Variants in METTL2A observed in about 807,000 individuals in gnomAD.
METTL2A encodes methyltransferase 2A, tRNA N3-cytidine.
METTL2A carries 45 observed loss-of-function variants against 49.4 expected under a neutral mutation model. That is an observed-to-expected ratio of 0.91 (90% CI 0.72 to 1.17). METTL2A has a LOEUF of 1.17. Among genes scored for constraint, METTL2A ranks in the 50% most tolerant of loss-of-function variants. The pLI is 0.00. For missense variants in METTL2A, 361 were observed against 462.2 expected (o/e 0.78, Z 2.01); for synonymous variants, 118 against 167.5 (o/e 0.70, Z 2.28).
rs145574301 is a variant in METTL2A at position 62,446,256 on chromosome 17, C to T, written c.916+1313C>T. On this transcript the variant is annotated intron_variant, in intron 7 of 8. Transcript: ENST00000311506. ...GCAACCTCTGCCTCCTGGGTCCACC[C>T]GCCTTGGCCTCCCAAAATGCTGGGA... Among the ~76,000 whole-genome samples, 896 of 152,200 alleles carry T rather than the reference C, an allele frequency of 5.9e-3. 7 individuals carry two copies. Among genetic ancestry groups the T allele is most frequent in the African/African-American group, 0.02 (850 of 41,532 alleles).
chr17:62,424,104 G>C, intron 1 of METTL2A, 92 bp downstream of exon 1: 2 of 1,581,284 alleles, frequency 1.3e-6, no homozygotes, highest in South Asian at 2.3e-5. Context: ...CCGGCCACGA[G>C]TCAAGCTGCC....
chr17:62,435,494 T>C (rs2070694765), intron 5 of METTL2A, among the ~76,000 whole-genome samples: 1 of 152,218 alleles, frequency 6.6e-6, no homozygotes, highest in Admixed American at 6.5e-5. Flanking sequence ...TCTGTTCATA[T>C]ATTGAAAGTT....
chr17:62,431,498 C>T (rs1259277251), intron 4 of METTL2A, among the ~76,000 whole-genome samples: 13 of 152,132 alleles, frequency 8.5e-5, no homozygotes, highest in East Asian at 5.8e-4. Context: ...GGACAACAGG[C>T]GTGTGCCACC....
chr17:62,438,973 AT>A (rs1167283450), intron 5 of METTL2A, among the ~76,000 whole-genome samples: 182 of 93,548 alleles, frequency 1.9e-3, no homozygotes, highest in African/African-American at 5.2e-3. Context: ...CACTTGGCTA[AT>A]TTTTTTTTTT....
At chr17:62,441,662 G>A (rs1295056880) in intron 6 of METTL2A, among the ~76,000 whole-genome samples, 1 of 151,238 alleles carries the variant, frequency 6.6e-6, no homozygotes, top group Non-Finnish European at 1.5e-5. Context: ...GGCCAGGCTG[G>A]TCTTAAACTC....
intron 7 of METTL2A, among the ~76,000 whole-genome samples, chr17:62,445,953 T>G (rs903230552): frequency 3.3e-5 from 5 of 152,146 alleles, no homozygotes; most frequent in Non-Finnish European, 5.9e-5. Flanking sequence ...TTCAAGGAGC[T>G]CTCATGAAAC....
Position 62,436,089 on chromosome 17 carries a change from G to A in METTL2A, c.669+797G>A, listed in dbSNP as rs188988502. Among the ~76,000 whole-genome samples the A allele has an allele frequency of 7.0e-3, 1,057 of 151,826 alleles. 3 individuals carry two copies. Among genetic ancestry groups the A allele is most frequent in the South Asian group, 0.018 (86 of 4,806 alleles). ...TACTAAAAATACAAAAAAATTAGCC[G>A]GGCTAAAAATACAAAAAATGGCGCA... On this transcript the variant is annotated intron_variant, in intron 5 of 8. Transcript: ENST00000311506.
At chr17:62,432,835 C>T (rs567705017) in intron 4 of METTL2A, among the ~76,000 whole-genome samples, 1 of 151,628 alleles carries the variant, frequency 6.6e-6, no homozygotes, top group Non-Finnish European at 1.5e-5. Context: ...TGCTGGCATG[C>T]ACCTGTAGTC....
rs2070733826 is a variant in METTL2A at position 62,440,697 on chromosome 17, C to T, written c.750C>T (p.Pro250=). 6.2e-7 allele frequency: 1 copy of T among 1,613,984 alleles called. No homozygotes were observed. The highest frequency in any genetic ancestry group is 8.5e-7 in the Non-Finnish European group (1 of 1,180,010). The stretch of plus-strand genomic sequence containing the variant: ...ATGAAGAGAAGAGTTACCCAGTGCC[C>T]AAGGGCAGTCTTGATATTATCATTC... ...LCDEEKSYPV[P]KGSLDIIILI... is the part of the protein sequence containing the mutation. Residue 250 remains proline (P), a synonymous_variant, in exon 6 of 9, where the codon CCC becomes CCT. Coordinates refer to ENST00000311506, the MANE Select transcript of METTL2A (RefSeq NM_181725.4).
chr17:62,447,645 T>C (rs1452482473), intron 7 of METTL2A, 56 bp from the exon 8 acceptor site: 2 of 1,597,820 alleles, frequency 1.3e-6, no homozygotes, highest in African/African-American at 2.7e-5. Context: ...TCCTTAGCAA[T>C]GCGAGTCAAA....
Position 62,448,909 on chromosome 17 carries a change from G to C in METTL2A, c.*180G>C. 2 of 755,468 alleles carry C rather than the reference G, an allele frequency of 2.6e-6. No homozygotes were observed. Among genetic ancestry groups the C allele is most frequent in the South Asian group, 7.1e-5 (2 of 27,978 alleles). The allele number at this position is 755,468 out of a possible 1,614,324, so 46.8% of individuals were successfully genotyped here. A position where few individuals can be genotyped will look rare whatever the true frequency, so the allele number is the denominator to read the frequency against. Reference sequence around the variant, plus strand: ...CAAAATAGTGAGAGACCCTGTATCTGAAAGTAATAATAAAAATAAAAAATA... The same window carrying C: ...CAAAATAGTGAGAGACCCTGTATCTCAAAGTAATAATAAAAATAAAAAATA... On this transcript the variant is annotated 3_prime_UTR_variant, in exon 9 of 9. Coordinates refer to ENST00000311506, the MANE Select transcript of METTL2A (RefSeq NM_181725.4).
chr17:62,434,533 C>A (rs113890231), intron 4 of METTL2A, among the ~76,000 whole-genome samples: 6 of 152,292 alleles, frequency 3.9e-5, no homozygotes, highest in Admixed American at 1.3e-4. Flanking sequence ...CCTGTACTAA[C>A]AGAATTCTGG....
intron 6 of METTL2A, among the ~76,000 whole-genome samples, chr17:62,441,644 A>G (rs12600776): frequency 1.3e-5 from 2 of 150,666 alleles, no homozygotes; most frequent in African/African-American, 4.9e-5. Context: ...GCGGGGTTTC[A>G]CCATGTTGGC....
intron 4 of METTL2A, among the ~76,000 whole-genome samples, chr17:62,432,312 T>A (rs1016045815): frequency 6.6e-6 from 1 of 152,230 alleles, no homozygotes; most frequent in Non-Finnish European, 1.5e-5. Context: ...TTAAAAATAA[T>A]ACTCTTAGCC....
chr17:62,432,764 T>C (rs1218644797), intron 4 of METTL2A, among the ~76,000 whole-genome samples: 1 of 151,216 alleles, frequency 6.6e-6, no homozygotes, highest in Non-Finnish European at 1.5e-5. Context: ...ATTGCACCAC[T>C]ACACTCCAGC....
intron 4 of METTL2A, among the ~76,000 whole-genome samples, chr17:62,429,178 AT>A (rs2070648139): frequency 6.6e-6 from 1 of 152,188 alleles, no homozygotes; most frequent in East Asian, 1.9e-4. Context: ...CATAATCTGC[AT>A]TTCTATTCAG....
intron 7 of METTL2A, among the ~76,000 whole-genome samples, chr17:62,446,639 A>G (rs1277938233): frequency 1.3e-5 from 2 of 152,066 alleles, no homozygotes; most frequent in Non-Finnish European, 2.9e-5. Context: ...GCACCCAATT[A>G]TTGTTCAATC....
chr17:62,444,709 A>C, intron 6 of METTL2A, 128 bp from the exon 7 acceptor site: 1 of 821,968 alleles, frequency 1.2e-6, no homozygotes, highest in Non-Finnish European at 2.0e-6. Context: ...GCAAGAGTAG[A>C]GGAGCTTAGA....
intron 7 of METTL2A, among the ~76,000 whole-genome samples, chr17:62,445,309 G>A (rs181391080): frequency 2.0e-5 from 3 of 151,474 alleles, no homozygotes; most frequent in African/African-American, 4.8e-5. Flanking sequence ...AAAAAAAAAG[G>A]TATTTGGCCA....
Sources: allele counts gnomAD v4.1 joint callset (sites outside exome capture counted in the v4.1 genomes callset), GRCh38; gene constraint gnomAD v4.1.1; transcripts MANE v1.5; gene names NCBI Gene and HGNC (gene_info 2026-07-23, HGNC 2026-07-21).